TMA16: variants seen among roughly 807,000 people sequenced by gnomAD.
The protein encoded by TMA16 is translation machinery-associated protein 16.
Under a neutral mutation model 27.1 loss-of-function variants are expected in TMA16, and 26 were observed. That is an observed-to-expected ratio of 0.96 (90% CI 0.70 to 1.33). TMA16 has a LOEUF of 1.33. TMA16 is among the 40% of genes most tolerant of loss of function. The pLI, the probability that TMA16 is intolerant of heterozygous loss-of-function variation, is 0.00. For missense variants in TMA16, 233 were observed against 241.4 expected, an observed-to-expected ratio of 0.97 and a Z score of 0.23; for synonymous variants, 71 against 81.9, an observed-to-expected ratio of 0.87 and a Z score of 0.72.
chr4:163,500,210 CTTTTTTTTTT>C (rs34832261), intron 1 of TMA16, among the ~76,000 whole-genome samples: 2 of 132,270 alleles, frequency 1.5e-5, no homozygotes, highest in African/African-American at 5.7e-5. Flanking sequence ...TTCTTTCTTT[CTTTTTTTTTT>C]TTTTTTTTGA....
intron 6 of TMA16, among the ~76,000 whole-genome samples, chr4:163,518,273 C>A (rs1737915391): frequency 6.6e-6 from 1 of 152,114 alleles, no homozygotes; most frequent in Non-Finnish European, 1.5e-5. Flanking sequence ...TTAGGATAAT[C>A]TGTAAAAATC....
intron 5 of TMA16, chr4:163,517,100 C>T: frequency 4.4e-6 from 1 of 228,268 alleles, no homozygotes; most frequent in Non-Finnish European, 8.5e-6. Context: ...GATGGGGTTT[C>T]ACCTTGTTAG....
chr4:163,504,255 C>G (rs536961567), intron 1 of TMA16, among the ~76,000 whole-genome samples: 1 of 152,176 alleles, frequency 6.6e-6, no homozygotes, highest in African/African-American at 2.4e-5. Flanking sequence ...GATCAGATCT[C>G]TTTTCACAGG....
At chr4:163,505,908 T>G (rs2110797981) in intron 1 of TMA16, among the ~76,000 whole-genome samples, 1 of 152,246 alleles carries the variant, frequency 6.6e-6, no homozygotes, top group Non-Finnish European at 1.5e-5. Context: ...TGAAGAAGAG[T>G]GTAAAGCCAC....
At chr4:163,517,294 A>T (rs1242364018) in intron 5 of TMA16, 140 bp from the exon 6 acceptor site, 6 of 757,190 alleles carry the variant, frequency 7.9e-6, no homozygotes, top group Admixed American at 2.8e-5. Context: ...CCTTTTGCAA[A>T]TTTTTCATGT....
In TMA16 at chr4:163,494,731, C is replaced by T. The variant is rs1193560875; in HGVS notation, c.-71C>T. ...TCGGCCCGGGTGCTCTTGTGAGCTG[C>T]TGCTCCTGCGGTTGGTGAGATTACC... On this transcript the variant is annotated 5_prime_UTR_variant, in exon 1 of 7. Coordinates refer to ENST00000358572, the MANE Select transcript of TMA16 (RefSeq NM_018352.3). 4 of 1,610,100 alleles carry T rather than the reference C, an allele frequency of 2.5e-6. No individual in the cohort carries two copies. The highest frequency in any genetic ancestry group is 2.2e-5 in the East Asian group (1 of 44,860).
At chr4:163,501,238 A>ATTAATTTC (rs2110792003) in intron 1 of TMA16, among the ~76,000 whole-genome samples, 1 of 152,314 alleles carries the variant, frequency 6.6e-6, no homozygotes, top group South Asian at 2.1e-4. Context: ...AGTCTCACTT[A>ATTAATTTC]GTGACATATT....
intron 2 of TMA16, among the ~76,000 whole-genome samples, chr4:163,508,724 G>C (rs1737751562): frequency 1.3e-5 from 2 of 152,160 alleles, no homozygotes. Context: ...GGTATGATAT[G>C]CAATATTTTA....
At chr4:163,511,658 GT>G (rs1737799774) in intron 2 of TMA16, among the ~76,000 whole-genome samples, 2 of 141,588 alleles carry the variant, frequency 1.4e-5, no homozygotes, top group Admixed American at 7.0e-5. Context: ...AAAAATAAAA[GT>G]AAAAAAAAAA....
intron 2 of TMA16, among the ~76,000 whole-genome samples, chr4:163,509,972 ACT>A: frequency 6.6e-6 from 1 of 152,272 alleles, no homozygotes; most frequent in East Asian, 1.9e-4. Context: ...TCTCTTTAAA[ACT>A]CATGTTTACA....
chr4:163,503,260 A>G (rs1385460593), intron 1 of TMA16, among the ~76,000 whole-genome samples: 1 of 152,118 alleles, frequency 6.6e-6, no homozygotes, highest in Non-Finnish European at 1.5e-5. Flanking sequence ...GGGTATTATG[A>G]TGTTTACAGT....
intron 3 of TMA16, among the ~76,000 whole-genome samples, chr4:163,513,732 T>A (rs557596897): frequency 5.9e-5 from 9 of 152,206 alleles, no homozygotes; most frequent in African/African-American, 1.9e-4. Context: ...ATTAATGGAG[T>A]TTTCATTTTA....
rs1448134874 is a variant in TMA16 at position 163,494,703 on chromosome 4, G to A, written c.-99G>A. 3 of 1,555,534 alleles carry A rather than the reference G, an allele frequency of 1.9e-6. No homozygotes were observed. The highest frequency in any genetic ancestry group is 1.7e-5 in the Admixed American group (1 of 59,718). ...CGCGGGCTTCTCAGGCGCCACGTGGGATTCGGCCCGGGTGCTCTTGTGAGC... is the reference window on the plus strand; with the variant it reads ...CGCGGGCTTCTCAGGCGCCACGTGGAATTCGGCCCGGGTGCTCTTGTGAGC... On this transcript the variant is annotated 5_prime_UTR_variant, in exon 1 of 7. Coordinates refer to ENST00000358572, the MANE Select transcript of TMA16 (RefSeq NM_018352.3).
At chr4:163,500,909 T>C (rs1737641441) in intron 1 of TMA16, among the ~76,000 whole-genome samples, 1 of 152,234 alleles carries the variant, frequency 6.6e-6, no homozygotes. Flanking sequence ...TTAGAAAAGA[T>C]AGAAGGCAAG....
rs557017102 is a variant in TMA16, at chr4:163,512,436, A to G, written c.117-386A>G. 1.2e-4 allele frequency: 19 copies of G among 159,078 alleles called. 2 individuals are homozygous for G. In the South Asian group the frequency reaches 3.8e-3, roughly 32 times the overall value. 9.9% of individuals were successfully genotyped at this position (159,078 alleles called of 1,614,324 possible). A position where few individuals can be genotyped will look rare whatever the true frequency, so the allele number is the denominator to read the frequency against. ...TGTTCTTATTGAAATTTAAAAGATG[A>G]CAGTAGTGCATTTTGATCTTGGTGG... On this transcript the variant is annotated intron_variant, in intron 2 of 6. Coordinates refer to ENST00000358572, the MANE Select transcript of TMA16 (RefSeq NM_018352.3).
chr4:163,515,940 C>CT (rs960749788), intron 5 of TMA16: 1 of 156,772 alleles, frequency 6.4e-6, no homozygotes, highest in African/African-American at 2.4e-5. Flanking sequence ...TCTACAGTCA[C>CT]TTTCATAGTC....
chr4:163,509,924 C>A (rs551735083), intron 2 of TMA16, among the ~76,000 whole-genome samples: 1 of 152,180 alleles, frequency 6.6e-6, no homozygotes, highest in Non-Finnish European at 1.5e-5. Flanking sequence ...GGGTAAGAAT[C>A]TCAGAAACAA....
chr4:163,511,659 TAAA>T (rs113693545), intron 2 of TMA16, among the ~76,000 whole-genome samples: 2 of 121,010 alleles, frequency 1.7e-5, no homozygotes, highest in Non-Finnish European at 1.8e-5. Flanking sequence ...AAAATAAAAG[TAAA>T]AAAAAAAAAA....
chr4:163,498,434 C>T (rs1737594929), intron 1 of TMA16, among the ~76,000 whole-genome samples: 1 of 151,726 alleles, frequency 6.6e-6, no homozygotes, highest in East Asian at 1.9e-4. Context: ...ACTACAGGTG[C>T]CCGCCACCAC....
Sources: gnomAD v4.1 joint callset for allele counts (sites outside exome capture counted in the v4.1 genomes callset) on GRCh38, gnomAD v4.1.1 for gene constraint, MANE v1.5 for transcripts, NCBI Gene and HGNC (gene_info 2026-07-23, HGNC 2026-07-21) for gene names.